Variants in LAMC1 observed in about 807,000 individuals in gnomAD.
The protein encoded by LAMC1 is laminin subunit gamma 1.
LAMC1 carries 38 observed loss-of-function variants against 173.6 expected under a neutral mutation model. That is an observed-to-expected ratio of 0.22 (90% CI 0.17 to 0.29). The LOEUF (loss-of-function observed/expected upper bound fraction) is 0.29. Ranked by LOEUF, LAMC1 falls within the 10% of genes least tolerant of loss-of-function variation. The pLI, the probability that LAMC1 is intolerant of heterozygous loss-of-function variation, is 1.00. For synonymous variants in LAMC1, 746 were observed against 749.1 expected (o/e 1.00, Z 0.07); for missense variants, 1,824 against 2,051.8 (o/e 0.89, Z 2.14).
intron 1 of LAMC1, chr1:183,096,479 A>G (rs1259344974): frequency 6.6e-6 from 1 of 152,222 alleles, no homozygotes; most frequent in East Asian, 1.9e-4. Context: ...TCCATATTCC[A>G]TCTCTGTTCA....
intron 22 of LAMC1, 73 bp downstream of exon 22, chr1:183,133,623 C>CACCTCCCTCTGT: frequency 7.3e-7 from 1 of 1,372,846 alleles, no homozygotes; most frequent in Non-Finnish European, 9.8e-7. Context: ...GACTGCTCTG[C>CACCTCCCTCTGT]ACCTCCCTCT....
intron 1 of LAMC1, among the ~76,000 whole-genome samples, chr1:183,060,620 A>G (rs1223655526): frequency 2.0e-5 from 3 of 152,196 alleles, no homozygotes; most frequent in South Asian, 2.1e-4. Flanking sequence ...ATTTGTTTAC[A>G]TGTCTGACTC....
chr1:183,107,272 T>G (rs1656002405), intron 2 of LAMC1, among the ~76,000 whole-genome samples: 1 of 151,660 alleles, frequency 6.6e-6, no homozygotes, highest in Admixed American at 6.6e-5. Flanking sequence ...TACAGTGTGG[T>G]GGGAAGGGGA....
In LAMC1 at chr1:183,127,320, C is replaced by A. The variant is rs1185497103; in HGVS notation, c.3039C>A (p.Asp1013Glu). 13 of 1,613,966 alleles carry A rather than the reference C, an allele frequency of 8.1e-6. No individual in the cohort carries two copies. The South Asian group carries it at 1.4e-4, about 18-fold the overall frequency. Residue 1013 changes from aspartate (D) to glutamate (E), a missense_variant, in exon 17 of 28, where the codon GAC becomes GAA. Transcript: ENST00000258341. Reference sequence around the variant, plus strand: ...AAGGCTTTGTGGGAAATCGCTGTGACCAGTGTGAAGAAAACTATTTCTACA... The same window carrying A: ...AAGGCTTTGTGGGAAATCGCTGTGAACAGTGTGAAGAAAACTATTTCTACA... ...CREGFVGNRC[D>E]QCEENYFYNR... is the part of the protein sequence containing the mutation.
At chr1:183,069,989 T>A (rs1654973694) in intron 1 of LAMC1, among the ~76,000 whole-genome samples, 1 of 152,128 alleles carries the variant, frequency 6.6e-6, no homozygotes, top group Non-Finnish European at 1.5e-5. Context: ...TTAAGTAGTT[T>A]GAGATGGCAC....
chr1:183,026,845 A>G (rs1274883426), intron 1 of LAMC1, among the ~76,000 whole-genome samples: 1 of 152,226 alleles, frequency 6.6e-6, no homozygotes, highest in African/African-American at 2.4e-5. Context: ...TGACTTTTTT[A>G]AATTATGAAA....
At chr1:183,036,340 C>A (rs1388966014) in intron 1 of LAMC1, among the ~76,000 whole-genome samples, 2 of 150,956 alleles carry the variant, frequency 1.3e-5, no homozygotes, top group African/African-American at 4.9e-5. Flanking sequence ...CTAGGTGAGC[C>A]ATCTGCCTTG....
chr1:183,067,682 G>A (rs1654909762), intron 1 of LAMC1, among the ~76,000 whole-genome samples: 2 of 151,986 alleles, frequency 1.3e-5, no homozygotes, highest in Admixed American at 1.3e-4. Context: ...AGTAGAGATA[G>A]GGTTTTACTG....
chr1:183,116,737 A>G (rs1169952810), intron 7 of LAMC1, 30 bp from the exon 8 acceptor site: 1 of 1,611,800 alleles, frequency 6.2e-7, no homozygotes, highest in African/African-American at 1.3e-5. Context: ...GTAAAAAAAA[A>G]GTAACTGATT....
intron 1 of LAMC1, among the ~76,000 whole-genome samples, chr1:183,099,871 T>C (rs1655788744): frequency 6.6e-6 from 1 of 152,146 alleles, no homozygotes; most frequent in African/African-American, 2.4e-5. Context: ...CCAGAACTAG[T>C]GTATCGGAAA....
intron 1 of LAMC1, among the ~76,000 whole-genome samples, chr1:183,072,420 A>G (rs918273608): frequency 4.6e-5 from 7 of 152,198 alleles, no homozygotes; most frequent in Non-Finnish European, 1.0e-4. Flanking sequence ...CTCTTTCCTC[A>G]GATTTTCAAC....
At chr1:183,117,974 T>C (rs1237928522) in intron 10 of LAMC1, 60 bp from the exon 11 acceptor site, 13 of 1,010,280 alleles carry the variant, frequency 1.3e-5, no homozygotes, top group Non-Finnish European at 2.0e-5. Context: ...ATAAGAAATA[T>C]TTCCCCAACA....
intron 1 of LAMC1, among the ~76,000 whole-genome samples, chr1:183,024,345 C>G (rs757508255): frequency 2.6e-5 from 4 of 152,238 alleles, no homozygotes; most frequent in Non-Finnish European, 5.9e-5. Flanking sequence ...CCGCACGAGT[C>G]TCTCTGCTTT....
In LAMC1 at chr1:183,023,654, G is replaced by A; in HGVS notation, c.-63G>A. On this transcript the variant is annotated 5_prime_UTR_variant, in exon 1 of 28. Transcript: ENST00000258341. ...AGCGAAGCGGCCTCCGGGGGACGCC[G>A]CTAGGCGAGAGGAACGCGCCGGTGC... 1 of 1,126,600 alleles carries A rather than the reference G, an allele frequency of 8.9e-7. No individual in the cohort carries two copies. The highest frequency in any genetic ancestry group is 1.1e-6 in the Non-Finnish European group (1 of 915,556). 69.8% of individuals were successfully genotyped at this position (1,126,600 alleles called of 1,614,324 possible). A position where few individuals can be genotyped will look rare whatever the true frequency, so the allele number is the denominator to read the frequency against.
At chr1:183,056,328 TCGATC>T (rs1325163019) in intron 1 of LAMC1, among the ~76,000 whole-genome samples, 1 of 152,196 alleles carries the variant, frequency 6.6e-6, no homozygotes, top group African/African-American at 2.4e-5. Context: ...CACCCCATGG[TCGATC>T]CACCCTCTGC....
intron 19 of LAMC1, 35 bp from the exon 20 acceptor site, chr1:183,131,264 G>A: frequency 6.6e-7 from 1 of 1,519,192 alleles, no homozygotes; most frequent in Non-Finnish European, 9.1e-7. Context: ...AAATAATTCA[G>A]TCCTTTGAGA....
At chr1:183,042,741 A>G (rs533929265) in intron 1 of LAMC1, among the ~76,000 whole-genome samples, 1 of 152,202 alleles carries the variant, frequency 6.6e-6, no homozygotes, top group Non-Finnish European at 1.5e-5. Flanking sequence ...CTTAGTGCAC[A>G]GCCTTCACTC....
At chr1:183,138,012 T>G (rs1656996747) in intron 26 of LAMC1, 185 bp downstream of exon 26, 1 of 592,338 alleles carries the variant, frequency 1.7e-6, no homozygotes, top group Non-Finnish European at 2.6e-6. Flanking sequence ...CCAGGTAATT[T>G]TGTTGCACAA....
chr1:183,084,197 C>T (rs1445777002), intron 1 of LAMC1, among the ~76,000 whole-genome samples: 4 of 152,146 alleles, frequency 2.6e-5, no homozygotes, highest in African/African-American at 9.7e-5. Context: ...AAAAAATTAG[C>T]TGGGCGCAGT....
Sources: gnomAD v4.1 joint callset for allele counts (sites outside exome capture counted in the v4.1 genomes callset) on GRCh38, gnomAD v4.1.1 for gene constraint, MANE v1.5 for transcripts, NCBI Gene and HGNC (gene_info 2026-07-23, HGNC 2026-07-21) for gene names.